The following ITGB8 variants were observed in gnomAD, a reference collection of about 807,000 sequenced individuals.
ITGB8 encodes integrin subunit beta 8.
In ITGB8, 30 loss-of-function variants were observed where a neutral mutation model predicts 89.5. The ratio of observed to expected loss-of-function variants is 0.34; its 90% CI spans 0.25 to 0.45. The LOEUF (loss-of-function observed/expected upper bound fraction) is 0.45. Ranked by LOEUF, ITGB8 falls within the 20% of genes least tolerant of loss-of-function variation. ITGB8 has a pLI of 1.00. For synonymous variants in ITGB8, 335 were observed against 320.4 expected (o/e 1.05, Z -0.49); for missense variants, 836 against 933.3 (o/e 0.90, Z 1.36).
At chr7:20,395,747 AGT>A (rs1365840228) in intron 8 of ITGB8, among the ~76,000 whole-genome samples, 1 of 152,228 alleles carries the variant, frequency 6.6e-6, no homozygotes, top group Non-Finnish European at 1.5e-5. Flanking sequence ...GCAGGTGGTT[AGT>A]ACCCACATTG....
intron 6 of ITGB8, among the ~76,000 whole-genome samples, chr7:20,388,508 AC>A (rs1338909174): frequency 6.6e-6 from 1 of 152,178 alleles, no homozygotes; most frequent in Admixed American, 6.5e-5. Flanking sequence ...GTTTATTTAA[AC>A]ATCTGTTATA....
At chr7:20,347,173 G>T (rs1222383986) in intron 1 of ITGB8, among the ~76,000 whole-genome samples, 3 of 152,212 alleles carry the variant, frequency 2.0e-5, no homozygotes, top group African/African-American at 4.8e-5. Flanking sequence ...AAAACTGCGA[G>T]AAATAAATTC....
chr7:20,331,818 G>A lies in ITGB8; in HGVS notation c.12G>A (p.Ser4=). 1.9e-6 allele frequency: 3 copies of A among 1,612,940 alleles called. No homozygotes were observed. The highest frequency in any genetic ancestry group is 2.5e-6 in the Non-Finnish European group (3 of 1,179,986). Residue 4 remains serine (S), a synonymous_variant, in exon 1 of 14, where the codon TCG becomes TCA. Coordinates refer to ENST00000222573, the MANE Select transcript of ITGB8 (RefSeq NM_002214.3). ...GGCTGTTTTGCATTATGTGCGGCTC[G>A]GCCCTGGCTTTTTTTACCGCTGCAT... MCG[S]ALAFFTAAFV...
chr7:20,346,569 T>G (rs1583472625), intron 1 of ITGB8: 1 of 270,238 alleles, frequency 3.7e-6, no homozygotes, highest in Non-Finnish European at 5.7e-6. Context: ...CAAGGGGAGG[T>G]TCTGAGACTT....
intron 1 of ITGB8, 114 bp downstream of exon 1, chr7:20,332,047 T>C: frequency 2.7e-6 from 4 of 1,481,816 alleles, no homozygotes; most frequent in Non-Finnish European, 3.6e-6. Context: ...ATCAGAGAAC[T>C]TCAAGGGGGC....
At chr7:20,354,059 G>A (rs1168760090) in intron 1 of ITGB8, among the ~76,000 whole-genome samples, 4 of 151,366 alleles carry the variant, frequency 2.6e-5, no homozygotes, top group Admixed American at 2.6e-4. Context: ...AATAGGTTTT[G>A]GAAATGAAGA....
intron 1 of ITGB8, among the ~76,000 whole-genome samples, chr7:20,336,101 GT>G (rs1264913048): frequency 6.6e-6 from 1 of 150,450 alleles, no homozygotes; most frequent in African/African-American, 2.4e-5. Context: ...CGCCTCCTGG[GT>G]TCACACCATT....
intron 1 of ITGB8, among the ~76,000 whole-genome samples, chr7:20,359,135 C>A (rs1785405278): frequency 6.6e-6 from 1 of 152,118 alleles, no homozygotes; most frequent in Admixed American, 6.5e-5. Flanking sequence ...AGGTTGATTC[C>A]ATGTCTTTGC....
At chr7:20,384,945 C>A (rs1027163977) in intron 6 of ITGB8, among the ~76,000 whole-genome samples, 1 of 152,086 alleles carries the variant, frequency 6.6e-6, no homozygotes, top group Non-Finnish European at 1.5e-5. Flanking sequence ...AAAACTGTAG[C>A]AATAGTATAG....
intron 2 of ITGB8, chr7:20,365,552 G>C (rs1583494715): frequency 6.6e-6 from 1 of 152,178 alleles, no homozygotes; most frequent in Non-Finnish European, 1.5e-5. Context: ...GAAGCAATGT[G>C]GGAAGCACTG....
At chr7:20,402,257 TC>T in intron 10 of ITGB8, 131 bp downstream of exon 10, 1 of 786,780 alleles carries the variant, frequency 1.3e-6, no homozygotes, top group Non-Finnish European at 1.9e-6. Context: ...AGTTTCAAAG[TC>T]CATGAAATTA....
intron 3 of ITGB8, among the ~76,000 whole-genome samples, chr7:20,376,506 CT>C (rs1786152284): frequency 6.6e-6 from 1 of 152,122 alleles, no homozygotes; most frequent in Non-Finnish European, 1.5e-5. Context: ...TTTCTATGTC[CT>C]CTTACTGTGG....
rs377676430 is a variant in ITGB8 at position 20,353,661 on chromosome 7, C to T, written c.128-9976C>T. On this transcript the variant is annotated intron_variant, in intron 1 of 13. Transcript: ENST00000222573. ...TAAGAAAACGGTAATCGGCCGGGCG[C>T]GGTGGCTCACGCCTGTAATCCCAGC... 4.1e-5 allele frequency among the ~76,000 whole-genome samples: 6 copies of T among 147,294 alleles called. No individual in the cohort carries two copies. The East Asian group carries it at 5.8e-4, about 14-fold the overall frequency.
At chr7:20,406,002 ATAT>A (rs1296251482) in intron 11 of ITGB8, 57 bp from the exon 12 acceptor site, 1 of 1,018,926 alleles carries the variant, frequency 9.8e-7, no homozygotes, top group Non-Finnish European at 1.5e-6. Context: ...CTTGCAGAAA[ATAT>A]TATAGTCCAC....
chr7:20,332,496 A>G (rs1784440056), intron 1 of ITGB8, among the ~76,000 whole-genome samples: 1 of 24,674 alleles, frequency 4.1e-5, no homozygotes, highest in Non-Finnish European at 6.0e-5. Flanking sequence ...TTCGGCTTAA[A>G]AAAAAAAAAT....
chr7:20,382,765 C>A (rs903372893), intron 6 of ITGB8, among the ~76,000 whole-genome samples: 28 of 152,124 alleles, frequency 1.8e-4, no homozygotes, highest in African/African-American at 5.1e-4. Flanking sequence ...ACAAATGTAT[C>A]AAGTGTAGAG....
chr7:20,374,128 G>A (rs1215950748), intron 3 of ITGB8, among the ~76,000 whole-genome samples: 1 of 152,136 alleles, frequency 6.6e-6, no homozygotes, highest in East Asian at 1.9e-4. Flanking sequence ...TATAAGTGGT[G>A]GCAGGAAGAT....
Position 20,397,228 on chromosome 7 carries a change from CTT to C in ITGB8, c.1147-1618_1147-1617del, listed in dbSNP as rs11286671. On this transcript the variant is annotated intron_variant, in intron 8 of 13. Coordinates refer to ENST00000222573, the MANE Select transcript of ITGB8 (RefSeq NM_002214.3). ...TAGCTAAGATCTTTTCCTTTTCTTT[CTT>C]TTTTTTTTTTTTTAGATGGAATTTT... Among the ~76,000 whole-genome samples the C allele has an allele frequency of 6.2e-3, 893 of 144,092 alleles. 3 individuals are homozygous for C. Among genetic ancestry groups the C allele is most frequent in the Non-Finnish European group, 8.5e-3 (558 of 65,958 alleles). 94.5% of individuals were successfully genotyped at this position (144,092 alleles called of 152,430 possible).
chr7:20,398,841 A>T lies in ITGB8; in HGVS notation c.1147-19A>T. ...TTGAAACTACTCTCGTATGTAATTT[A>T]AAAATAATGTCTCTGCAGAAGCTCA... On this transcript the variant is annotated intron_variant, in intron 8 of 13. Coordinates refer to ENST00000222573, the MANE Select transcript of ITGB8 (RefSeq NM_002214.3). The T allele has an allele frequency of 6.6e-7, 1 of 1,518,068 alleles. No individual in the cohort carries two copies. The highest frequency in any genetic ancestry group is 8.8e-7 in the Non-Finnish European group (1 of 1,133,714). 94.0% of individuals were successfully genotyped at this position (1,518,068 alleles called of 1,614,324 possible).
Sources: gnomAD v4.1 joint callset for allele counts (sites outside exome capture counted in the v4.1 genomes callset) on GRCh38, gnomAD v4.1.1 for gene constraint, MANE v1.5 for transcripts, NCBI Gene and HGNC (gene_info 2026-07-23, HGNC 2026-07-21) for gene names.